Variants in COPA observed in about 807,000 individuals in gnomAD.
COPA encodes the protein coat protein complex I subunit alpha.
COPA carries 10 observed loss-of-function variants against 158.7 expected under a neutral mutation model. That is an observed-to-expected ratio of 0.06 (90% CI 0.04 to 0.11). COPA has a LOEUF of 0.11. COPA is among the 10% of genes least tolerant of loss of function. The pLI, the probability that COPA is intolerant of heterozygous loss-of-function variation, is 1.00. For missense variants in COPA, 1,065 were observed against 1,536.7 expected, an observed-to-expected ratio of 0.69 and a Z score of 5.13; for synonymous variants, 462 against 542.8, an observed-to-expected ratio of 0.85 and a Z score of 2.07.
At chr1:160,331,519 G>A (rs998871996) in intron 6 of COPA, among the ~76,000 whole-genome samples, 12 of 151,500 alleles carry the variant, frequency 7.9e-5, no homozygotes, top group African/African-American at 2.7e-4. Context: ...TGTGCGTGGT[G>A]GCGTGCACCT....
chr1:160,337,001 G>A (rs1467872313), intron 3 of COPA, among the ~76,000 whole-genome samples: 1 of 152,128 alleles, frequency 6.6e-6, no homozygotes, highest in Non-Finnish European at 1.5e-5. Flanking sequence ...AAAAGTTAAG[G>A]TATTCCAATA....
At chr1:160,337,672 T>A (rs1049752652) in intron 3 of COPA, among the ~76,000 whole-genome samples, 2 of 151,776 alleles carry the variant, frequency 1.3e-5, no homozygotes, top group Non-Finnish European at 2.9e-5. Flanking sequence ...TGAGCCGAGA[T>A]CACGCCACTG....
Position 160,297,392 on chromosome 1 carries a change from G to A in COPA, c.2214C>T (p.Tyr738=), listed in dbSNP as rs1401523522. The change falls in exon 21 of 33, where the codon TAC becomes TAT. Residue 738 remains tyrosine (Y), a synonymous_variant. Transcript: ENST00000241704. ...DMSGHYQNAL[Y]LGDVSERVRI... ...GCACACGCTCTGACACATCACCCAG[G>A]TATAGGGCATTCTGATAGTGGCCAC... 3.1e-6 allele frequency: 5 copies of A among 1,613,994 alleles called. No individual in the cohort carries two copies. The highest frequency in any genetic ancestry group is 1.6e-4 in the Middle Eastern group (1 of 6,084).
intron 17 of COPA, among the ~76,000 whole-genome samples, chr1:160,303,128 A>G (rs1658669833): frequency 6.6e-6 from 1 of 152,084 alleles, no homozygotes; most frequent in Non-Finnish European, 1.5e-5. Context: ...GAACCTGGGA[A>G]GCAGAGGTTG....
chr1:160,332,907 G>A (rs554341098), intron 5 of COPA, among the ~76,000 whole-genome samples: 15 of 152,112 alleles, frequency 9.9e-5, no homozygotes, highest in African/African-American at 3.6e-4. Context: ...CCCTTTTAAA[G>A]GCCATCACTT....
chr1:160,329,453 A>G (rs1311418766), intron 6 of COPA, among the ~76,000 whole-genome samples: 1 of 152,116 alleles, frequency 6.6e-6, no homozygotes, highest in Non-Finnish European at 1.5e-5. Context: ...ATTTTGATGT[A>G]AAAATGTTCT....
intron 8 of COPA, chr1:160,317,602 G>A (rs61801295): frequency 1.3e-6 from 2 of 1,566,264 alleles, no homozygotes; most frequent in African/African-American, 1.4e-5. Flanking sequence ...TCTCTTTGAG[G>A]GTCAGAGAAT....
intron 19 of COPA, among the ~76,000 whole-genome samples, 155 bp downstream of exon 19, chr1:160,298,690 T>C (rs957514413): frequency 1.3e-5 from 2 of 152,126 alleles, no homozygotes; most frequent in Admixed American, 6.5e-5. Flanking sequence ...GATGGGCAAA[T>C]AGCAACAGGA....
chr1:160,342,305 C>A (rs147882716), intron 1 of COPA, among the ~76,000 whole-genome samples: 6 of 152,262 alleles, frequency 3.9e-5, no homozygotes, highest in African/African-American at 1.2e-4. Context: ...CTGCATCTCA[C>A]TAAATATTCT....
At chr1:160,304,191 T>A (rs1387295479) in intron 17 of COPA, among the ~76,000 whole-genome samples, 4 of 151,060 alleles carry the variant, frequency 2.6e-5, no homozygotes, top group Admixed American at 6.6e-5. Context: ...TTTTTTTTTA[T>A]TTTTAGGAGA....
intron 30 of COPA, 149 bp from the exon 31 acceptor site, chr1:160,291,645 G>T: frequency 8.8e-7 from 1 of 1,132,400 alleles, no homozygotes; most frequent in Non-Finnish European, 1.3e-6. Flanking sequence ...AGGTATGGAG[G>T]ACTGGTGAGA....
Position 160,297,351 on chromosome 1 carries a change from C to T in COPA, c.2255G>A (p.Cys752Tyr), listed in dbSNP as rs1658449995. ...AAGTCTCGGATACTTACTCTGTCCA[C>T]AGTTCTTCAGGATCCGCACACGCTC... ...VSERVRILKN[C>Y]GQKSLAYLTA... The change falls in exon 21 of 33, where the codon TGT becomes TAT. Residue 752 changes from cysteine to tyrosine, a missense_variant. Physicochemically the swap from Cys to Tyr is radical, Grantham distance 194. Around this residue, in one of 2 missense-constraint regions of COPA, gnomAD observed 980 missense variants for 1,357.8 expected, o/e 0.72. Coordinates refer to ENST00000241704, the MANE Select transcript of COPA (RefSeq NM_004371.4). The T allele has an allele frequency of 1.2e-6, 2 of 1,613,978 alleles. No individual in the cohort carries two copies. The highest frequency in any genetic ancestry group is 1.1e-5 in the South Asian group (1 of 91,082).
chr1:160,314,512 T>A (rs980911623), intron 8 of COPA, among the ~76,000 whole-genome samples: 3 of 152,066 alleles, frequency 2.0e-5, no homozygotes, highest in African/African-American at 7.2e-5. Flanking sequence ...ACGTTTGTAG[T>A]CCCAGCTACT....
intron 4 of COPA, 132 bp from the exon 5 acceptor site, chr1:160,333,811 G>C (rs1171540837): frequency 4.9e-6 from 3 of 608,790 alleles, no homozygotes; most frequent in Non-Finnish European, 8.3e-6. Flanking sequence ...TGCTGCTTTT[G>C]CTATCAGGTT....
At chr1:160,313,043 C>T in intron 10 of COPA, 42 bp downstream of exon 10, 2 of 1,557,750 alleles carry the variant, frequency 1.3e-6, no homozygotes, top group Non-Finnish European at 8.8e-7. Flanking sequence ...GACTTATAAA[C>T]TTTGAATTAA....
In COPA at chr1:160,292,553, G is replaced by A. The variant is rs1268296372; in HGVS notation, c.2891C>T (p.Ala964Val). 1.2e-6 allele frequency: 2 copies of A among 1,613,986 alleles called. No homozygotes were observed. The highest frequency in any genetic ancestry group is 1.7e-6 in the Non-Finnish European group (2 of 1,180,008). Residue 964 changes from alanine (A) to valine (V), a missense_variant, in exon 28 of 33, where the codon GCC (alanine) becomes GTC (valine). Transcript: ENST00000241704. ...PYKQLFLQTY[A>V]RGRTTYQALP... ...AGCCTGATAGGTTGTGCGGCCTCGGGCGTATGTCTGTAGGAACAGTTGCTT... is the reference window on the plus strand; with the variant it reads ...AGCCTGATAGGTTGTGCGGCCTCGGACGTATGTCTGTAGGAACAGTTGCTT...
intron 11 of COPA, among the ~76,000 whole-genome samples, chr1:160,310,986 T>C (rs912946781): frequency 6.6e-6 from 1 of 152,178 alleles, no homozygotes; most frequent in South Asian, 2.1e-4. Flanking sequence ...TGTGGCAGAA[T>C]GATTTTCCAT....
intron 3 of COPA, among the ~76,000 whole-genome samples, chr1:160,336,712 A>G (rs1477448107): frequency 2.6e-5 from 4 of 152,120 alleles, no homozygotes; most frequent in Admixed American, 1.3e-4. Context: ...TTCTTATTTA[A>G]TTTTTTTAAA....
At chr1:160,292,689 GT>G (rs1156831910) in intron 27 of COPA, 69 bp from the exon 28 acceptor site, 2 of 1,317,496 alleles carry the variant, frequency 1.5e-6, no homozygotes, top group Admixed American at 4.7e-5. Context: ...CTTGGGCAAG[GT>G]AATTAATTTC....
Sources: gnomAD v4.1 joint callset for allele counts (sites outside exome capture counted in the v4.1 genomes callset) on GRCh38, gnomAD v4.1.1 for gene constraint, gnomAD v4.1.1 regional missense constraint, MANE v1.5 for transcripts, NCBI Gene and HGNC (gene_info 2026-07-23, HGNC 2026-07-21) for gene names.